Variants in GLCCI1 observed in about 807,000 individuals in gnomAD.
GLCCI1 encodes glucocorticoid induced 1, also known as glucocorticoid-induced transcript 1 protein.
A neutral mutation model predicts 52.2 loss-of-function variants in GLCCI1; 24 were observed. The ratio of observed to expected loss-of-function variants is 0.46; its 90% CI spans 0.33 to 0.65. The LOEUF (loss-of-function observed/expected upper bound fraction) is 0.65. Ranked by LOEUF, GLCCI1 falls within the 30% of genes least tolerant of loss-of-function variation. GLCCI1 has a pLI of 0.02. For synonymous variants in GLCCI1, 310 were observed against 276.5 expected, an observed-to-expected ratio of 1.12 and a Z score of -1.20; for missense variants, 704 against 701.5, an observed-to-expected ratio of 1.00 and a Z score of -0.04.
At chr7:8,054,998 G>A (rs1212862148) in intron 3 of GLCCI1, among the ~76,000 whole-genome samples, 2 of 152,086 alleles carry the variant, frequency 1.3e-5, no homozygotes, top group African/African-American at 4.8e-5. Flanking sequence ...AAAGTGTTTA[G>A]TAATTGGTAA....
chr7:7,980,959 G>T, intron 1 of GLCCI1: 1 of 581,178 alleles, frequency 1.7e-6, no homozygotes, highest in Non-Finnish European at 3.2e-6. Flanking sequence ...ATTAAAGAGT[G>T]GTAGAGTTGA....
chr7:7,992,172 C>A (rs143341210), intron 1 of GLCCI1, among the ~76,000 whole-genome samples: 1 of 149,304 alleles, frequency 6.7e-6, no homozygotes, highest in Admixed American at 6.8e-5. Context: ...TAATAACTCA[C>A]ATTTAGTTAT....
At position 8,037,607 on chromosome 7, in the gene GLCCI1, T is replaced by C. The variant is rs10435182; in HGVS notation, c.696+15038T>C. ...ACTTAAAAGATACAGCTTGGCAGAA[T>C]TGATTAAAAAGCAGGATCTAATCAT... On this transcript the variant is annotated intron_variant, in intron 3 of 7. Transcript: ENST00000223145. Among the ~76,000 whole-genome samples the C allele has an allele frequency of 5.8e-3, 880 of 152,242 alleles. 27 individuals carry two copies. In the East Asian group the frequency reaches 0.084, roughly 14 times the overall value.
chr7:8,020,700 A>AT (rs1271370041), intron 2 of GLCCI1, among the ~76,000 whole-genome samples: 1 of 152,120 alleles, frequency 6.6e-6, no homozygotes. Context: ...AATTTGACTC[A>AT]TTTTCTGTGA....
chr7:8,030,420 C>A (rs1583985154), intron 3 of GLCCI1, among the ~76,000 whole-genome samples: 1 of 152,168 alleles, frequency 6.6e-6, no homozygotes, highest in African/African-American at 2.4e-5. Context: ...TCTGAGACCT[C>A]AAACTATGAA....
At chr7:7,974,602 T>G (rs887926794) in intron 1 of GLCCI1, among the ~76,000 whole-genome samples, 1 of 152,212 alleles carries the variant, frequency 6.6e-6, no homozygotes, top group Non-Finnish European at 1.5e-5. Flanking sequence ...GTAACTGGGC[T>G]CCACAGCAGT....
chr7:7,996,212 G>A (rs901959749), intron 1 of GLCCI1, among the ~76,000 whole-genome samples: 2 of 152,078 alleles, frequency 1.3e-5, no homozygotes, highest in African/African-American at 4.8e-5. Context: ...AATACTTTGT[G>A]ATTACTTCTT....
chr7:7,978,647 T>C (rs1278292537), intron 1 of GLCCI1, among the ~76,000 whole-genome samples: 1 of 152,194 alleles, frequency 6.6e-6, no homozygotes, highest in Non-Finnish European at 1.5e-5. Context: ...GCAAAAGTAT[T>C]ATATAGAGTC....
chr7:8,016,583 A>T (rs77270442), intron 2 of GLCCI1, among the ~76,000 whole-genome samples: 2 of 152,212 alleles, frequency 1.3e-5, no homozygotes, highest in African/African-American at 4.8e-5. Context: ...TGTTTTGTAT[A>T]AATGAATGAA....
At position 8,086,411 on chromosome 7, in the gene GLCCI1, T is replaced by C. The variant is rs750431278; in HGVS notation, c.1517T>C (p.Leu506Pro). Reference protein sequence around the residue: ...QLSSRVSFTSLSDDTSTAGSM... With the variant: ...QLSSRVSFTSPSDDTSTAGSM... ...TCATCCCGGGTTTCCTTTACGTCTC[T>C]TTCTGATGACACCAGCACAGCGGGC... is the stretch of plus-strand genomic sequence containing the variant. Residue 506 changes from leucine to proline, a missense_variant, in exon 8 of 8, where the codon CTT (leucine) becomes CCT (proline). This residue lies in a region of GLCCI1 where 149 missense variants were observed against 152.9 expected (regional missense o/e 0.97). Coordinates refer to ENST00000223145, the MANE Select transcript of GLCCI1 (RefSeq NM_138426.4). This position sits in a 1 kb window ranked among gnomAD's most constrained non-coding sequence, Gnocchi z 4.4. 43 of 1,614,070 alleles carry C rather than the reference T, an allele frequency of 2.7e-5. No individual in the cohort carries two copies. The Admixed American group carries it at 5.7e-4, about 21-fold the overall frequency.
intron 1 of GLCCI1, among the ~76,000 whole-genome samples, chr7:7,974,914 A>T (rs967995832): frequency 6.6e-6 from 1 of 152,192 alleles, no homozygotes; most frequent in Non-Finnish European, 1.5e-5. Context: ...TAAGTGTCTA[A>T]GAAGCTAAAT....
At chr7:8,033,912 A>G (rs1035966430) in intron 3 of GLCCI1, among the ~76,000 whole-genome samples, 1 of 152,174 alleles carries the variant, frequency 6.6e-6, no homozygotes, top group Non-Finnish European at 1.5e-5. Flanking sequence ...GCTAATCCTA[A>G]AGTGTGTATG....
intron 3 of GLCCI1, among the ~76,000 whole-genome samples, chr7:8,048,481 T>A (rs530509816): frequency 1.3e-5 from 2 of 152,204 alleles, no homozygotes; most frequent in South Asian, 4.2e-4. Flanking sequence ...CAGCAGTAAA[T>A]CTATATCATC....
chr7:7,975,720 T>C (rs922585417), intron 1 of GLCCI1, among the ~76,000 whole-genome samples: 5 of 152,142 alleles, frequency 3.3e-5, no homozygotes, highest in East Asian at 1.9e-4. Context: ...TATAGATGGA[T>C]TGGCCATTTT....
intron 4 of GLCCI1, among the ~76,000 whole-genome samples, chr7:8,057,363 A>G (rs1782421544): frequency 6.6e-6 from 1 of 152,222 alleles, no homozygotes; most frequent in Non-Finnish European, 1.5e-5. Flanking sequence ...GCAATACTGT[A>G]GGCAGTAAAA....
chr7:7,995,402 C>T (rs747740050), intron 1 of GLCCI1, among the ~76,000 whole-genome samples: 4 of 152,014 alleles, frequency 2.6e-5, no homozygotes, highest in South Asian at 2.1e-4. Flanking sequence ...CCCAAATACT[C>T]GGGAAGCTAA....
intron 6 of GLCCI1, among the ~76,000 whole-genome samples, chr7:8,075,763 C>A (rs1245606648): frequency 1.3e-5 from 2 of 152,142 alleles, no homozygotes; most frequent in Non-Finnish European, 1.5e-5. Context: ...TGATTCAGGC[C>A]AACTACTGAG....
At position 8,070,869 on chromosome 7, in the gene GLCCI1, T is replaced by C. The variant is rs1232306908; in HGVS notation, c.967-52T>C. ...AGGGAAATACTATGTGCTTTCTATG[T>C]AGATGAATATATGCACCAGCATTTG... On this transcript the variant is annotated intron_variant, in intron 5 of 7. Coordinates refer to ENST00000223145, the MANE Select transcript of GLCCI1 (RefSeq NM_138426.4). The C allele has an allele frequency of 4.8e-6, 7 of 1,470,850 alleles. No homozygotes were observed. In the African/African-American group the frequency reaches 6.9e-5, roughly 15 times the overall value. The allele number at this position is 1,470,850 out of a possible 1,614,324, so 91.1% of individuals were successfully genotyped here. A position where few individuals can be genotyped will look rare whatever the true frequency, so the allele number is the denominator to read the frequency against.
intron 5 of GLCCI1, among the ~76,000 whole-genome samples, chr7:8,069,249 G>A (rs573181144): frequency 2.6e-5 from 4 of 152,260 alleles, no homozygotes; most frequent in South Asian, 2.1e-4. Flanking sequence ...GCTGCCAGTC[G>A]GTGTGATTGG....
Sources: gnomAD v4.1 joint callset for allele counts (sites outside exome capture counted in the v4.1 genomes callset) on GRCh38, gnomAD v4.1.1 for gene constraint, gnomAD v4.1.1 regional missense constraint, Gnocchi (gnomAD v3.1) non-coding constraint, MANE v1.5 for transcripts, NCBI Gene and HGNC (gene_info 2026-07-23, HGNC 2026-07-21) for gene names.